NRXN3: variants seen among roughly 807,000 people sequenced by gnomAD.
The protein encoded by NRXN3 is neurexin 3.
Under a neutral mutation model 137.6 loss-of-function variants are expected in NRXN3, and 32 were observed. That is an observed-to-expected ratio of 0.23 (90% confidence interval 0.18 to 0.31). The LOEUF (loss-of-function observed/expected upper bound fraction) is 0.31. Among genes scored for constraint, NRXN3 ranks in the 10% least tolerant of loss-of-function variants. The pLI is 1.00. For missense variants in NRXN3, 1,574 were observed against 2,062.5 expected, an observed-to-expected ratio of 0.76 and a Z score of 4.59; for synonymous variants, 798 against 784.5, an observed-to-expected ratio of 1.02 and a Z score of -0.29.
At chr14:78,986,576 G>A (rs2099505783) in intron 14 of NRXN3, among the ~76,000 whole-genome samples, 1 of 152,044 alleles carries the variant, frequency 6.6e-6, no homozygotes, top group Admixed American at 6.6e-5. Context: ...TTATATACAT[G>A]TACTATTATT....
chr14:79,131,025 T>A (rs1036809519), intron 15 of NRXN3, among the ~76,000 whole-genome samples: 1 of 152,232 alleles, frequency 6.6e-6, no homozygotes, highest in African/African-American at 2.4e-5. Flanking sequence ...GGCTTTCAGC[T>A]CCATCAGCTC....
chr14:79,585,280 C>G (rs1277093165), intron 16 of NRXN3, among the ~76,000 whole-genome samples: 2 of 152,172 alleles, frequency 1.3e-5, no homozygotes, highest in Non-Finnish European at 2.9e-5. Flanking sequence ...TTCACCTGGC[C>G]TGCCAGACTT....
chr14:79,467,281 A>G lies in NRXN3; in HGVS notation c.3323A>G (p.Asn1108Ser). 2 of 1,613,174 alleles carry G rather than the reference A, an allele frequency of 1.2e-6. No homozygotes were observed. Among genetic ancestry groups the G allele is most frequent in the Non-Finnish European group, 1.7e-6 (2 of 1,179,128 alleles). The change falls in exon 16 of 21, where the codon AAT (asparagine) becomes AGT (serine). Residue 1108 changes from asparagine to serine, a missense_variant. Coordinates refer to ENST00000335750, the MANE Select transcript of NRXN3 (RefSeq NM_001330195.2). ...GGLILYTWPA[N>S]DRPSTRSDRL... Reference sequence around the variant, plus strand: ...CTTATCCTCTACACCTGGCCAGCCAATGACAGGCCCAGCACGCGGTCTGAC... The same window carrying G: ...CTTATCCTCTACACCTGGCCAGCCAGTGACAGGCCCAGCACGCGGTCTGAC...
chr14:79,641,260 A>G (rs221467), intron 16 of NRXN3, among the ~76,000 whole-genome samples: 43,075 of 133,592 alleles, frequency 0.32, 14,628 homozygotes, highest in African/African-American at 0.71. Context: ...TGCCCACCTC[A>G]GCCTCCCAAA....
At chr14:79,410,988 AT>A (rs1490962036) in intron 15 of NRXN3, among the ~76,000 whole-genome samples, 1 of 152,072 alleles carries the variant, frequency 6.6e-6, no homozygotes, top group Non-Finnish European at 1.5e-5. Context: ...AATTAAGTGC[AT>A]TTACTCAGGG....
chr14:78,650,545 TTGGTGTCC>T (rs1240786112), intron 5 of NRXN3, among the ~76,000 whole-genome samples: 1 of 152,016 alleles, frequency 6.6e-6, no homozygotes, highest in Non-Finnish European at 1.5e-5. Context: ...AGGGTAGGGA[TTGGTGTCC>T]TGGGGCAGTC....
Position 79,456,497 on chromosome 14 carries a change from C to T in NRXN3, c.3263-10724C>T, listed in dbSNP as rs1044970301. Among the ~76,000 whole-genome samples the T allele has an allele frequency of 5.3e-5, 8 of 152,152 alleles. No individual in the cohort carries two copies. In the South Asian group the frequency reaches 6.2e-4, roughly 12 times the overall value. On this transcript the variant is annotated intron_variant, in intron 15 of 20. Coordinates refer to ENST00000335750, the MANE Select transcript of NRXN3 (RefSeq NM_001330195.2). ...ATCCCAGCATTTTGGGAGGCCAAGACGGGCGGATCACTTGAACCCAGGAGT... is the reference window on the plus strand; with the variant it reads ...ATCCCAGCATTTTGGGAGGCCAAGATGGGCGGATCACTTGAACCCAGGAGT...
At chr14:78,375,905 C>T (rs2153624528) in intron 4 of NRXN3, among the ~76,000 whole-genome samples, 1 of 152,122 alleles carries the variant, frequency 6.6e-6, no homozygotes, top group South Asian at 2.1e-4. Context: ...CTTCTCATGA[C>T]TCCCAAGGAA....
chr14:78,393,907 A>G (rs1567460983), intron 4 of NRXN3, among the ~76,000 whole-genome samples: 1 of 151,970 alleles, frequency 6.6e-6, no homozygotes, highest in Non-Finnish European at 1.5e-5. Context: ...TCCATTGTTC[A>G]TATAGAGGAA....
At chr14:79,050,670 A>G (rs759410918) in intron 15 of NRXN3, among the ~76,000 whole-genome samples, 5 of 152,190 alleles carry the variant, frequency 3.3e-5, no homozygotes, top group Non-Finnish European at 7.3e-5. Flanking sequence ...TCATTTTGCC[A>G]TTGACTTAAT....
At chr14:78,988,244 ATAAG>A in intron 15 of NRXN3, 103 bp downstream of exon 15, 1 of 1,405,534 alleles carries the variant, frequency 7.1e-7, no homozygotes, top group Non-Finnish European at 1.0e-6. Flanking sequence ...TGAAAGATTC[ATAAG>A]TAATTCTCTC....
intron 4 of NRXN3, among the ~76,000 whole-genome samples, chr14:78,304,832 T>C (rs4903743): frequency 0.82 from 124,054 of 152,144 alleles, 50,993 homozygotes; most frequent in African/African-American, 0.92. Context: ...CTCCACTCTG[T>C]TCCAGCTGAT....
At chr14:78,190,768 G>T (rs536691942) in intron 1 of NRXN3, among the ~76,000 whole-genome samples, 75 of 152,138 alleles carry the variant, frequency 4.9e-4, no homozygotes, top group African/African-American at 1.7e-3. Context: ...CTGCCTCCCG[G>T]GTTCAGGTGA....
At chr14:78,181,464 G>A (rs946019602) in intron 1 of NRXN3, among the ~76,000 whole-genome samples, 4 of 152,180 alleles carry the variant, frequency 2.6e-5, no homozygotes, top group African/African-American at 7.2e-5. Context: ...TGCTCTGTGA[G>A]GTTTGGTCTC....
rs117022355 is a variant in NRXN3, at chr14:78,897,779, G to A, written c.2276-59463G>A. 1.0e-3 allele frequency among the ~76,000 whole-genome samples: 155 copies of A among 152,026 alleles called. 1 individual carries two copies. The East Asian group carries it at 0.028, about 27-fold the overall frequency. ...CTAGTTTCAGATTGGGGTGAAAAGAGGAAAACATAATTAATCCAGAATTAT... is the reference window on the plus strand; with the variant it reads ...CTAGTTTCAGATTGGGGTGAAAAGAAGAAAACATAATTAATCCAGAATTAT... On this transcript the variant is annotated intron_variant, in intron 10 of 20. Transcript: ENST00000335750.
intron 16 of NRXN3, among the ~76,000 whole-genome samples, chr14:79,597,867 A>G (rs1382606434): frequency 2.0e-5 from 3 of 152,186 alleles, no homozygotes; most frequent in Non-Finnish European, 4.4e-5. Context: ...TATAAAATAT[A>G]TAGGCAGAGG....
At chr14:79,688,867 T>G (rs2098705392) in intron 17 of NRXN3, among the ~76,000 whole-genome samples, 1 of 152,178 alleles carries the variant, frequency 6.6e-6, no homozygotes, top group Non-Finnish European at 1.5e-5. Context: ...TCTCAATCCC[T>G]TATCAAAAAT....
chr14:79,769,552 A>G (rs2099069321), intron 19 of NRXN3, among the ~76,000 whole-genome samples: 1 of 152,096 alleles, frequency 6.6e-6, no homozygotes, highest in African/African-American at 2.4e-5. Flanking sequence ...GAAATAAAAT[A>G]CTTTACAGAC....
At chr14:78,342,779 C>A (rs2082279381) in intron 4 of NRXN3, among the ~76,000 whole-genome samples, 1 of 152,192 alleles carries the variant, frequency 6.6e-6, no homozygotes, top group Non-Finnish European at 1.5e-5. Flanking sequence ...CCACCCATCT[C>A]TGATGTGATG....
Sources: allele counts gnomAD v4.1 joint callset (sites outside exome capture counted in the v4.1 genomes callset), GRCh38; gene constraint gnomAD v4.1.1; transcripts MANE v1.5; gene names NCBI Gene and HGNC (gene_info 2026-07-23, HGNC 2026-07-21).